The following SNX24 variants were observed in gnomAD, a reference collection of about 807,000 sequenced individuals.
The protein encoded by SNX24 is sorting nexin 24.
SNX24 carries 22 observed loss-of-function variants against 28.7 expected under a neutral mutation model. The ratio of observed to expected loss-of-function variants is 0.77; its 90% CI spans 0.55 to 1.10. The LOEUF is 1.10. Ranked by LOEUF, SNX24 falls within the 50% of genes least tolerant of loss-of-function variation. The pLI, the probability that SNX24 is intolerant of heterozygous loss-of-function variation, is 0.00. For missense variants in SNX24, 221 were observed against 201.1 expected, an observed-to-expected ratio of 1.10 and a Z score of -0.60; for synonymous variants, 69 against 71.5, an observed-to-expected ratio of 0.96 and a Z score of 0.18.
rs145241358 is a variant in SNX24, at chr5:122,973,120, G to A, written c.250-26792G>A. 6.5e-3 allele frequency among the ~76,000 whole-genome samples: 987 copies of A among 152,218 alleles called. 7 individuals carry two copies. The highest frequency in any genetic ancestry group is 0.022 in the African/African-American group (928 of 41,530). ...TCATCCTTTGGTGAACACTCATATGGGATAGAAATATCTTCACAGGTTTTG... is the reference window on the plus strand; with the variant it reads ...TCATCCTTTGGTGAACACTCATATGAGATAGAAATATCTTCACAGGTTTTG... On this transcript the variant is annotated intron_variant, in intron 3 of 6. Coordinates refer to ENST00000261369, the MANE Select transcript of SNX24 (RefSeq NM_014035.4).
intron 1 of SNX24, among the ~76,000 whole-genome samples, chr5:122,886,120 A>G: frequency 6.6e-6 from 1 of 152,198 alleles, no homozygotes; most frequent in East Asian, 1.9e-4. Flanking sequence ...GTTTAGTGGT[A>G]GGTGAGGGGG....
At chr5:123,028,339 G>C (rs1762892172) in intron 5 of SNX24, among the ~76,000 whole-genome samples, 1 of 152,206 alleles carries the variant, frequency 6.6e-6, no homozygotes, top group Non-Finnish European at 1.5e-5. Context: ...AAAGTGCGCT[G>C]TGACCCTGCT....
intron 1 of SNX24, among the ~76,000 whole-genome samples, chr5:122,852,879 T>C (rs1348955337): frequency 1.3e-5 from 2 of 152,122 alleles, no homozygotes; most frequent in Admixed American, 1.3e-4. Flanking sequence ...AGTCCATTCC[T>C]GTCACCAAAC....
At chr5:123,026,638 C>A (rs1163825932) in intron 5 of SNX24, among the ~76,000 whole-genome samples, 3 of 152,188 alleles carry the variant, frequency 2.0e-5, no homozygotes, top group Non-Finnish European at 1.5e-5. Flanking sequence ...TTGTTGGTCA[C>A]AGCAACTTCA....
In SNX24 at chr5:122,848,131, C is replaced by T. The variant is rs62377383; in HGVS notation, c.60+2438C>T. On this transcript the variant is annotated intron_variant, in intron 1 of 6. Transcript: ENST00000261369. ...AATGTGTGTTTTTAAGAGCTAGGAT[C>T]TTGCTCTGTCACCCAGGCTGGAGTG... is the stretch of plus-strand genomic sequence containing the variant. Among the ~76,000 whole-genome samples the T allele has an allele frequency of 2.0e-3, 307 of 152,246 alleles. 2 individuals carry two copies. Among genetic ancestry groups the T allele is most frequent in the Admixed American group, 3.8e-3 (58 of 15,302 alleles).
At chr5:122,889,617 A>G (rs1581709550) in intron 1 of SNX24, among the ~76,000 whole-genome samples, 1 of 58,322 alleles carries the variant, frequency 1.7e-5, no homozygotes, top group African/African-American at 1.3e-4. Context: ...ACACACATAT[A>G]TATATACACA....
intron 3 of SNX24, among the ~76,000 whole-genome samples, chr5:122,956,596 T>C (rs2150134611): frequency 6.6e-6 from 1 of 152,298 alleles, no homozygotes; most frequent in African/African-American, 2.4e-5. Flanking sequence ...TCTTAATTTT[T>C]TGAGGAACCA....
chr5:123,003,734 G>A (rs1762326697), intron 6 of SNX24, among the ~76,000 whole-genome samples: 1 of 152,230 alleles, frequency 6.6e-6, no homozygotes, highest in Non-Finnish European at 1.5e-5. Context: ...TTTCTGGGAA[G>A]AAACATCAGG....
chr5:122,948,670 C>T (rs1380861865), intron 3 of SNX24: 1 of 152,140 alleles, frequency 6.6e-6, no homozygotes, highest in African/African-American at 2.4e-5. Context: ...CACACATTTC[C>T]TAAGGTGGTC....
At chr5:122,901,999 C>T (rs1260316194) in intron 1 of SNX24, among the ~76,000 whole-genome samples, 2 of 152,226 alleles carry the variant, frequency 1.3e-5, no homozygotes, top group African/African-American at 2.4e-5. Context: ...TAAGACTGAG[C>T]TTCACTATCT....
chr5:122,940,283 C>T (rs1197099058), intron 2 of SNX24, among the ~76,000 whole-genome samples: 2 of 152,012 alleles, frequency 1.3e-5, no homozygotes, highest in Non-Finnish European at 2.9e-5. Context: ...CATGAGCCAC[C>T]GCGCCCAGAC....
chr5:122,975,367 G>GT (rs540091561), intron 3 of SNX24, among the ~76,000 whole-genome samples: 4,622 of 147,876 alleles, frequency 0.031, 117 homozygotes, highest in East Asian at 0.042. Context: ...TAAATTTATG[G>GT]TTTTTTTTTT....
At chr5:122,975,080 C>A (rs770262117) in intron 3 of SNX24, among the ~76,000 whole-genome samples, 1 of 152,196 alleles carries the variant, frequency 6.6e-6, no homozygotes, top group Non-Finnish European at 1.5e-5. Flanking sequence ...TCAGACTTTT[C>A]TTGATTCTCC....
chr5:122,924,140 G>A (rs1758567174), intron 1 of SNX24, among the ~76,000 whole-genome samples: 1 of 152,172 alleles, frequency 6.6e-6, no homozygotes, highest in East Asian at 1.9e-4. Flanking sequence ...ACTATGGGTA[G>A]TACTAAACCT....
chr5:123,003,816 G>T (rs920059583), intron 6 of SNX24, among the ~76,000 whole-genome samples: 4 of 152,196 alleles, frequency 2.6e-5, no homozygotes, highest in Admixed American at 1.3e-4. Flanking sequence ...ATGAAGACTT[G>T]CAAAATAAGG....
chr5:122,973,859 G>C (rs1484490897), intron 3 of SNX24, among the ~76,000 whole-genome samples: 1 of 152,174 alleles, frequency 6.6e-6, no homozygotes, highest in Non-Finnish European at 1.5e-5. Context: ...AAATCTTAGA[G>C]GCCTTTGCTG....
intron 3 of SNX24, among the ~76,000 whole-genome samples, chr5:122,976,728 A>C (rs902013432): frequency 2.0e-4 from 30 of 152,360 alleles, no homozygotes; most frequent in Non-Finnish European, 3.1e-4. Context: ...TACACTGCTG[A>C]GGGCATTCTA....
intron 1 of SNX24, among the ~76,000 whole-genome samples, chr5:122,900,026 T>TG: frequency 6.6e-6 from 1 of 152,088 alleles, no homozygotes; most frequent in South Asian, 2.1e-4. Context: ...GGTTTTTTTT[T>TG]GTTTGTTTTT....
At chr5:122,966,481 A>G (rs1202744398) in intron 3 of SNX24, among the ~76,000 whole-genome samples, 3 of 152,138 alleles carry the variant, frequency 2.0e-5, no homozygotes, top group Non-Finnish European at 2.9e-5. Context: ...TAGATGATAC[A>G]TAAAGAAAAG....
Sources: gnomAD v4.1 joint callset for allele counts (sites outside exome capture counted in the v4.1 genomes callset) on GRCh38, gnomAD v4.1.1 for gene constraint, MANE v1.5 for transcripts, NCBI Gene and HGNC (gene_info 2026-07-23, HGNC 2026-07-21) for gene names.